ZDHHC11B: variants seen among roughly 807,000 people sequenced by gnomAD.
ZDHHC11B encodes the protein zDHHC palmitoyltransferase 11B (putative), also known as probable palmitoyltransferase ZDHHC11B.
Under a neutral mutation model 42.3 loss-of-function variants are expected in ZDHHC11B, and 17 were observed. That is an observed-to-expected ratio of 0.40 (90% CI 0.27 to 0.60). The LOEUF is 0.60. Ranked by LOEUF, ZDHHC11B falls within the 20% of genes least tolerant of loss-of-function variation. ZDHHC11B has a pLI of 0.41. For synonymous variants in ZDHHC11B, 123 were observed against 193.5 expected, an observed-to-expected ratio of 0.64 and a Z score of 3.02; for missense variants, 262 against 463.2, an observed-to-expected ratio of 0.57 and a Z score of 3.99.
At chr5:718,611 G>A (rs1332299242) in intron 12 of ZDHHC11B, among the ~76,000 whole-genome samples, 2 of 150,766 alleles carry the variant, frequency 1.3e-5, no homozygotes, top group African/African-American at 4.9e-5. Context: ...CAGGAGAATG[G>A]TGTGAACCTG....
At chr5:712,587 C>T (rs1374427511) in intron 13 of ZDHHC11B, among the ~76,000 whole-genome samples, 1 of 136,518 alleles carries the variant, frequency 7.3e-6, no homozygotes, top group African/African-American at 2.8e-5. Flanking sequence ...TGAAAGATAA[C>T]CCATCTTTTA....
At chr5:730,115 A>G (rs1261194669) in intron 12 of ZDHHC11B, among the ~76,000 whole-genome samples, 3 of 151,732 alleles carry the variant, frequency 2.0e-5, no homozygotes, top group Non-Finnish European at 4.4e-5. Flanking sequence ...CTGACTCTCA[A>G]TGAAACACTA....
chr5:743,027 C>G (rs1169566084), intron 9 of ZDHHC11B, among the ~76,000 whole-genome samples: 1 of 149,876 alleles, frequency 6.7e-6, no homozygotes, highest in Admixed American at 6.8e-5. Flanking sequence ...TGAAGTGATC[C>G]TGGGTAATCT....
chr5:767,306 C>T, intron 3 of ZDHHC11B, 86 bp downstream of exon 3: 2 of 1,454,906 alleles, frequency 1.4e-6, no homozygotes, highest in Admixed American at 3.6e-5. Flanking sequence ...CTCTCCCCAC[C>T]CACACACATG....
chr5:756,282 A>T, intron 4 of ZDHHC11B, 138 bp from the exon 5 acceptor site: 1 of 1,360,712 alleles, frequency 7.3e-7, no homozygotes. Flanking sequence ...AGCCCAGCTC[A>T]CCCAGGCCTG....
chr5:741,773 C>T (rs1744187635), intron 9 of ZDHHC11B, 145 bp from the exon 10 acceptor site: 1 of 606,800 alleles, frequency 1.6e-6, no homozygotes, highest in African/African-American at 1.9e-5. Context: ...GATCTCAGAA[C>T]CACTTACGTG....
At chr5:753,824 G>A (rs1312907101) in intron 6 of ZDHHC11B, among the ~76,000 whole-genome samples, 1 of 145,472 alleles carries the variant, frequency 6.9e-6, no homozygotes, top group Non-Finnish European at 1.5e-5. Context: ...GGGACCCCCC[G>A]GTGCGTCCTG....
chr5:730,873 C>T (rs1197152976), intron 11 of ZDHHC11B, among the ~76,000 whole-genome samples: 1 of 151,866 alleles, frequency 6.6e-6, no homozygotes, highest in Non-Finnish European at 1.5e-5. Context: ...ACACAGAGAA[C>T]AGGTGGCCGT....
At chr5:729,068 G>A (rs1338857572) in intron 12 of ZDHHC11B, among the ~76,000 whole-genome samples, 1 of 151,538 alleles carries the variant, frequency 6.6e-6, no homozygotes, top group African/African-American at 2.4e-5. Flanking sequence ...GGGAGGATGA[G>A]GCCAGCTGGG....
intron 6 of ZDHHC11B, among the ~76,000 whole-genome samples, 172 bp from the exon 7 acceptor site, chr5:751,429 GCGGGGA>G (rs1745683302): frequency 2.4e-5 from 1 of 41,222 alleles, no homozygotes; most frequent in African/African-American, 8.5e-5. Context: ...AGGTGTGGGG[GCGGGGA>G]GGCAGGGGCA....
rs547165398 is a variant in ZDHHC11B at position 784,270 on chromosome 5, C to G, written c.-230+398G>C. Among the ~76,000 whole-genome samples the G allele has an allele frequency of 8.6e-5, 13 of 151,950 alleles. No individual in the cohort carries two copies. The South Asian group carries it at 2.7e-3, about 32-fold the overall frequency. ...TCCCACGCCTCACACCGGCGGCCCC[C>G]TACGCCTGGGAATAGGGAAACGGTT... On this transcript the variant is annotated intron_variant, in intron 1 of 13. Coordinates refer to ENST00000508859, the MANE Select transcript of ZDHHC11B (RefSeq NM_001351303.2).
At chr5:733,614 T>C (rs1743233445) in intron 11 of ZDHHC11B, 138 bp downstream of exon 11, 1 of 740,374 alleles carries the variant, frequency 1.4e-6, no homozygotes, top group Middle Eastern at 2.4e-4. Flanking sequence ...CCCACCATCA[T>C]TCCCATGTGA....
intron 9 of ZDHHC11B, among the ~76,000 whole-genome samples, chr5:743,111 G>T (rs1399396831): frequency 1.3e-5 from 2 of 149,288 alleles, no homozygotes; most frequent in Non-Finnish European, 3.0e-5. Context: ...AGTACCACTT[G>T]CTGAACTATA....
At position 775,208 on chromosome 5, in the gene ZDHHC11B, C is replaced by T. The variant is rs557051492; in HGVS notation, c.-229-6278G>A. Among the ~76,000 whole-genome samples the T allele has an allele frequency of 3.5e-4, 53 of 152,036 alleles. 1 individual carries two copies. The highest frequency in any genetic ancestry group is 1.2e-3 in the South Asian group (6 of 4,804). ...TGTGCTGGGCTGGACCAGGCCAGGG[C>T]GTGACCTCTGACAGCTCCACCTGCT... On this transcript the variant is annotated intron_variant, in intron 1 of 13. Transcript: ENST00000508859.
intron 11 of ZDHHC11B, among the ~76,000 whole-genome samples, chr5:730,881 C>T (rs201715535): frequency 3.6e-4 from 54 of 149,372 alleles, no homozygotes; most frequent in African/African-American, 1.1e-3. Flanking sequence ...AACAGGTGGC[C>T]GTCTACAAGG....
chr5:725,103 G>A (rs1433510681), intron 12 of ZDHHC11B, among the ~76,000 whole-genome samples: 1 of 151,368 alleles, frequency 6.6e-6, no homozygotes, highest in Non-Finnish European at 1.5e-5. Context: ...GCTCCCGAAT[G>A]TGGGACCCGG....
At chr5:756,332 A>G (rs544318945) in intron 4 of ZDHHC11B, among the ~76,000 whole-genome samples, 188 bp from the exon 5 acceptor site, 1 of 151,246 alleles carries the variant, frequency 6.6e-6, no homozygotes, top group Admixed American at 6.6e-5. Context: ...TCTTGCACAC[A>G]TGGCCCTATA....
chr5:745,013 A>G lies in ZDHHC11B; in HGVS notation c.900+170T>C, dbSNP rs562977371. On this transcript the variant is annotated intron_variant, in intron 9 of 13. Transcript: ENST00000508859. ...ATGACTGGTGTTTATGTTCACAAAG[A>G]CACATAGACACACCCATGCACAGAG... is the stretch of plus-strand genomic sequence containing the variant. Among the ~76,000 whole-genome samples the G allele has an allele frequency of 8.1e-3, 1,190 of 146,554 alleles. 21 individuals carry two copies. Among genetic ancestry groups the G allele is most frequent in the African/African-American group, 0.027 (1,106 of 40,418 alleles).
At position 748,251 on chromosome 5, in the gene ZDHHC11B, C is replaced by T; in HGVS notation, c.784+153G>A. The T allele has an allele frequency of 3.0e-6, 2 of 666,746 alleles. 1 individual carries two copies. Among genetic ancestry groups the T allele is most frequent in the Non-Finnish European group, 5.0e-6 (2 of 400,310 alleles). The allele number at this position is 666,746 out of a possible 1,614,324, so 41.3% of individuals were successfully genotyped here. A position where few individuals can be genotyped will look rare whatever the true frequency, so the allele number is the denominator to read the frequency against. On this transcript the variant is annotated intron_variant, in intron 8 of 13. Coordinates refer to ENST00000508859, the MANE Select transcript of ZDHHC11B (RefSeq NM_001351303.2). ...TCCATGATCTCACTTCTGGGAGAGG[C>T]TGACCCTGAACACATGCGCACACGG...
Sources: allele counts gnomAD v4.1 joint callset (sites outside exome capture counted in the v4.1 genomes callset), GRCh38; gene constraint gnomAD v4.1.1; transcripts MANE v1.5; gene names NCBI Gene and HGNC (gene_info 2026-07-23, HGNC 2026-07-21).